GPM6A: variants seen among roughly 807,000 people sequenced by gnomAD.
GPM6A encodes the protein glycoprotein M6A.
In GPM6A, 7 loss-of-function variants were observed where a neutral mutation model predicts 32.1. That is an observed-to-expected ratio of 0.22 (90% CI 0.12 to 0.41). The LOEUF is 0.41. GPM6A is among the 10% of genes least tolerant of loss of function. The pLI is 1.00. For missense variants in GPM6A, 235 were observed against 347.2 expected (o/e 0.68, Z 2.57); for synonymous variants, 130 against 123.4 (o/e 1.05, Z -0.35).
chr4:175,835,733 T>C (rs977940973), intron 1 of GPM6A, among the ~76,000 whole-genome samples: 1 of 140,894 alleles, frequency 7.1e-6, no homozygotes, highest in Admixed American at 7.0e-5. Context: ...TAACTATATA[T>C]AATATATTAT....
At chr4:175,719,668 A>C (rs1025679121) in intron 1 of GPM6A, among the ~76,000 whole-genome samples, 4 of 152,170 alleles carry the variant, frequency 2.6e-5, no homozygotes, top group African/African-American at 9.6e-5. Context: ...GGAGTCCTGA[A>C]GTGCTGTCTA....
chr4:175,856,362 G>C (rs889822560), intron 1 of GPM6A, among the ~76,000 whole-genome samples: 12 of 152,312 alleles, frequency 7.9e-5, no homozygotes, highest in African/African-American at 2.6e-4. Context: ...GCTTGTGGGA[G>C]GGGGAGCACA....
chr4:175,705,436 G>A (rs75222469), intron 1 of GPM6A, among the ~76,000 whole-genome samples: 192 of 152,280 alleles, frequency 1.3e-3, no homozygotes, highest in African/African-American at 4.5e-3. Context: ...TTTCGCACTT[G>A]TAACGGGCTA....
At chr4:175,653,667 G>T (rs897964968) in intron 3 of GPM6A, among the ~76,000 whole-genome samples, 3 of 151,962 alleles carry the variant, frequency 2.0e-5, no homozygotes, top group African/African-American at 7.2e-5. Flanking sequence ...TTTTAGTCTT[G>T]CTGAACAAAC....
At chr4:175,731,046 G>A (rs1450319740) in intron 1 of GPM6A, among the ~76,000 whole-genome samples, 1 of 152,068 alleles carries the variant, frequency 6.6e-6, no homozygotes, top group African/African-American at 2.4e-5. Flanking sequence ...GGGTCTGATT[G>A]CATCTCCATT....
intron 1 of GPM6A, among the ~76,000 whole-genome samples, chr4:175,888,406 GTGTT>G (rs767301058): frequency 4.3e-4 from 65 of 151,938 alleles, no homozygotes; most frequent in Admixed American, 7.9e-4. Context: ...ATAAGCTAGA[GTGTT>G]TGCTTCTGTA....
At chr4:175,650,435 G>A (rs1741735521) in intron 4 of GPM6A, among the ~76,000 whole-genome samples, 1 of 152,016 alleles carries the variant, frequency 6.6e-6, no homozygotes, top group Admixed American at 6.6e-5. Context: ...CTCCCACGTA[G>A]CTGGGACTAC....
At chr4:175,651,725 GA>G in intron 4 of GPM6A, 108 bp downstream of exon 4, 2 of 793,870 alleles carry the variant, frequency 2.5e-6, no homozygotes. Context: ...CTCTGTGGTA[GA>G]AAAGGTACTG....
chr4:175,635,926 A>G (rs1054869497), intron 6 of GPM6A, among the ~76,000 whole-genome samples: 2 of 152,050 alleles, frequency 1.3e-5, no homozygotes, highest in Non-Finnish European at 2.9e-5. Flanking sequence ...AAAATAGAAC[A>G]CTAAGATTTT....
intron 2 of GPM6A, among the ~76,000 whole-genome samples, chr4:175,674,633 C>G (rs7683163): frequency 6.6e-6 from 1 of 152,122 alleles, no homozygotes; most frequent in African/African-American, 2.4e-5. Flanking sequence ...TAAAATGATA[C>G]AAATTCCATA....
chr4:175,859,004 T>C (rs918295459), intron 1 of GPM6A, among the ~76,000 whole-genome samples: 2 of 152,154 alleles, frequency 1.3e-5, no homozygotes, highest in African/African-American at 4.8e-5. Context: ...TTATCTGAAA[T>C]TCTAGAAAAT....
intron 2 of GPM6A, among the ~76,000 whole-genome samples, chr4:175,696,759 T>C (rs1479584602): frequency 3.3e-5 from 5 of 152,170 alleles, no homozygotes; most frequent in Admixed American, 6.6e-5. Flanking sequence ...TGAAACTTTG[T>C]TTTTTCTTGC....
intron 4 of GPM6A, among the ~76,000 whole-genome samples, chr4:175,649,565 T>C (rs80024052): frequency 0.065 from 9,957 of 152,204 alleles, 388 homozygotes; most frequent in Admixed American, 0.099. Context: ...GCATTTATTA[T>C]CCTACAGGAA....
chr4:175,984,723 C>T (rs895354603), intron 1 of GPM6A, among the ~76,000 whole-genome samples: 2 of 151,938 alleles, frequency 1.3e-5, no homozygotes, highest in African/African-American at 4.8e-5. Flanking sequence ...TTGTTTTTTA[C>T]AATTAGATCT....
chr4:175,686,798 C>G (rs1413253950), intron 2 of GPM6A, among the ~76,000 whole-genome samples: 1 of 152,142 alleles, frequency 6.6e-6, no homozygotes, highest in East Asian at 1.9e-4. Context: ...TCTTTTTGTT[C>G]TGTATGTAAA....
intron 3 of GPM6A, among the ~76,000 whole-genome samples, chr4:175,666,909 C>T (rs1213205088): frequency 1.3e-5 from 2 of 152,164 alleles, no homozygotes; most frequent in Admixed American, 1.3e-4. Context: ...GATTGAAAAA[C>T]CTAAACCTGC....
intron 1 of GPM6A, among the ~76,000 whole-genome samples, chr4:175,864,230 G>A (rs1230404100): frequency 6.6e-6 from 1 of 152,120 alleles, no homozygotes; most frequent in African/African-American, 2.4e-5. Flanking sequence ...GAAGTGGCAC[G>A]GTAATGGCTC....
chr4:175,803,042 T>G (rs1394552710), intron 1 of GPM6A, among the ~76,000 whole-genome samples: 1 of 152,028 alleles, frequency 6.6e-6, no homozygotes, highest in East Asian at 1.9e-4. Flanking sequence ...CTGTCTCTAT[T>G]TAGGGGAAAA....
chr4:175,983,749 T>C (rs904559027), intron 1 of GPM6A, among the ~76,000 whole-genome samples: 1 of 152,234 alleles, frequency 6.6e-6, no homozygotes, highest in Non-Finnish European at 1.5e-5. Flanking sequence ...TGTTATTTTA[T>C]TTTTGTCTGC....
Sources: allele counts gnomAD v4.1 joint callset (sites outside exome capture counted in the v4.1 genomes callset), GRCh38; gene constraint gnomAD v4.1.1; transcripts MANE v1.5; gene names NCBI Gene and HGNC (gene_info 2026-07-23, HGNC 2026-07-21).